The following PRKCE variants were observed in gnomAD, a reference collection of about 807,000 sequenced individuals.
The protein encoded by PRKCE is protein kinase C epsilon, also known as protein kinase C epsilon type.
PRKCE carries 16 observed loss-of-function variants against 85.4 expected under a neutral mutation model. That is an observed-to-expected ratio of 0.19 (90% CI 0.13 to 0.28). The LOEUF is 0.28. Among genes scored for constraint, PRKCE ranks in the 10% least tolerant of loss-of-function variants. The probability of loss-of-function intolerance (pLI) is 1.00; values close to 1 mark genes in which losing one functional copy is unlikely to be tolerated. For missense variants in PRKCE, 573 were observed against 975.2 expected, an observed-to-expected ratio of 0.59 and a Z score of 5.49; for synonymous variants, 388 against 371.5, an observed-to-expected ratio of 1.04 and a Z score of -0.51.
intron 10 of PRKCE, among the ~76,000 whole-genome samples, chr2:46,032,326 C>A (rs556188781): frequency 1.3e-5 from 2 of 152,252 alleles, no homozygotes; most frequent in South Asian, 4.2e-4. Context: ...CCTTCCTGTT[C>A]CTGACAATGT....
At chr2:46,061,136 T>A (rs1667085026) in intron 10 of PRKCE, among the ~76,000 whole-genome samples, 1 of 124,730 alleles carries the variant, frequency 8.0e-6, no homozygotes, top group Non-Finnish European at 1.6e-5. Flanking sequence ...TGAGACAGGG[T>A]CTTACTCCTA....
At chr2:45,974,741 G>T (rs1444659259) in intron 2 of PRKCE, among the ~76,000 whole-genome samples, 1 of 152,144 alleles carries the variant, frequency 6.6e-6, no homozygotes, top group African/African-American at 2.4e-5. Context: ...GGTCCAGGAG[G>T]GATCAATGCT....
chr2:45,878,415 T>C (rs1387893239), intron 2 of PRKCE, among the ~76,000 whole-genome samples: 1 of 152,222 alleles, frequency 6.6e-6, no homozygotes, highest in Non-Finnish European at 1.5e-5. Context: ...TTATCCTGAG[T>C]CTGGGCCTAG....
rs1385520375 is a variant in PRKCE, at chr2:46,159,863, A to G, written c.2067+111A>G. ...TCAGGGGATGCGTATTACAGTAAAA[A>G]TGACAAAGACCAGAGGTGGCTGAGG... On this transcript the variant is annotated intron_variant, in intron 14 of 14. Coordinates refer to ENST00000306156, the MANE Select transcript of PRKCE (RefSeq NM_005400.3). The surrounding 1 kb of genome is among the most constrained non-coding windows in gnomAD (Gnocchi z 4.1). 15 of 1,410,800 alleles carry G rather than the reference A, an allele frequency of 1.1e-5. No homozygotes were observed. Among genetic ancestry groups the G allele is most frequent in the Non-Finnish European group, 1.2e-5 (13 of 1,040,122 alleles). The allele number at this position is 1,410,800 out of a possible 1,614,324, so 87.4% of individuals were successfully genotyped here. A position where few individuals can be genotyped will look rare whatever the true frequency, so the allele number is the denominator to read the frequency against.
chr2:45,802,758 A>G (rs1183115145), intron 1 of PRKCE, among the ~76,000 whole-genome samples: 1 of 152,226 alleles, frequency 6.6e-6, no homozygotes, highest in Non-Finnish European at 1.5e-5. Flanking sequence ...TTCCATAGGG[A>G]TCCAGTTCAG....
chr2:45,864,755 T>A (rs1693449047), intron 2 of PRKCE, among the ~76,000 whole-genome samples: 1 of 152,238 alleles, frequency 6.6e-6, no homozygotes, highest in African/African-American at 2.4e-5. Context: ...AGCCCGAGGA[T>A]GACTTCAGCT....
At chr2:45,950,507 G>T (rs1024580962) in intron 2 of PRKCE, among the ~76,000 whole-genome samples, 4 of 152,138 alleles carry the variant, frequency 2.6e-5, no homozygotes, top group African/African-American at 4.8e-5. Flanking sequence ...AGATAAAGAT[G>T]TCACAGCACA....
At chr2:45,919,247 C>T (rs533503366) in intron 2 of PRKCE, among the ~76,000 whole-genome samples, 1 of 152,314 alleles carries the variant, frequency 6.6e-6, no homozygotes, top group Non-Finnish European at 1.5e-5. Flanking sequence ...AGGGAAAGAA[C>T]ACAGCCAGTG....
chr2:45,970,173 CA>C (rs1454914530), intron 2 of PRKCE, among the ~76,000 whole-genome samples: 9 of 152,156 alleles, frequency 5.9e-5, no homozygotes. Context: ...TTGCCTGTAG[CA>C]GTGAATGAAT....
At chr2:45,986,954 T>C (rs896994800) in intron 6 of PRKCE, among the ~76,000 whole-genome samples, 21 of 151,488 alleles carry the variant, frequency 1.4e-4, no homozygotes, top group African/African-American at 4.6e-4. Flanking sequence ...AGAGGAGTGA[T>C]GTGCTTTTGG....
intron 2 of PRKCE, among the ~76,000 whole-genome samples, chr2:45,863,879 G>T (rs1317133179): frequency 1.3e-5 from 2 of 152,166 alleles, no homozygotes; most frequent in East Asian, 3.9e-4. Context: ...GGCTGCACTG[G>T]AGAGTCTAAA....
At chr2:45,672,763 C>T (rs80089451) in intron 1 of PRKCE, among the ~76,000 whole-genome samples, 5,500 of 152,182 alleles carry the variant, frequency 0.036, 145 homozygotes, top group Non-Finnish European at 0.055. Flanking sequence ...CAGTGCCTCA[C>T]GCCTGTAATC....
At chr2:45,662,761 GCTT>G (rs889604792) in intron 1 of PRKCE, among the ~76,000 whole-genome samples, 2 of 150,398 alleles carry the variant, frequency 1.3e-5, no homozygotes, top group African/African-American at 4.9e-5. Context: ...TTGATAGCTT[GCTT>G]CTTTACCTAC....
At chr2:45,935,132 G>A (rs779035436) in intron 2 of PRKCE, among the ~76,000 whole-genome samples, 4 of 152,176 alleles carry the variant, frequency 2.6e-5, no homozygotes, top group Non-Finnish European at 5.9e-5. Flanking sequence ...ATGTTTGTCT[G>A]TAAGAGATGA....
intron 1 of PRKCE, among the ~76,000 whole-genome samples, chr2:45,776,743 A>C (rs141485109): frequency 3.9e-5 from 6 of 152,186 alleles, no homozygotes; most frequent in Non-Finnish European, 8.8e-5. Flanking sequence ...AGAAGCCCAA[A>C]TGTGGTTTCA....
chr2:45,929,006 G>A (rs1698839960), intron 2 of PRKCE, among the ~76,000 whole-genome samples: 1 of 152,146 alleles, frequency 6.6e-6, no homozygotes, highest in African/African-American at 2.4e-5. Flanking sequence ...GTTCAATTTG[G>A]AATTGTGCGT....
At chr2:45,893,142 G>A (rs1023707841) in intron 2 of PRKCE, among the ~76,000 whole-genome samples, 1 of 152,158 alleles carries the variant, frequency 6.6e-6, no homozygotes, top group African/African-American at 2.4e-5. Context: ...GTTAGGAAGG[G>A]TCAGAGCACA....
At chr2:45,816,963 TATA>T (rs1210829338) in intron 1 of PRKCE, among the ~76,000 whole-genome samples, 3 of 152,200 alleles carry the variant, frequency 2.0e-5, no homozygotes, top group Non-Finnish European at 4.4e-5. Context: ...ATTGTGAACT[TATA>T]ATAACAGTAG....
chr2:45,703,566 GA>G lies in PRKCE; in HGVS notation c.348+51127del, dbSNP rs1209304277. 4.7e-5 allele frequency among the ~76,000 whole-genome samples: 7 copies of G among 149,752 alleles called. 1 individual carries two copies. The highest frequency in any genetic ancestry group is 2.7e-4 in the Admixed American group (4 of 15,054). On this transcript the variant is annotated intron_variant, in intron 1 of 14. Transcript: ENST00000306156. ...AAAAAAAAGAATAAAGAAAAGAAAA[GA>G]AAAAAAAAGGAAGCTCATTGACGGT... is the stretch of plus-strand genomic sequence containing the variant.
Sources: allele counts gnomAD v4.1 joint callset (sites outside exome capture counted in the v4.1 genomes callset), GRCh38; gene constraint gnomAD v4.1.1; non-coding constraint Gnocchi (gnomAD v3.1); transcripts MANE v1.5; gene names NCBI Gene and HGNC (gene_info 2026-07-23, HGNC 2026-07-21).